CACNA1A: variants seen among roughly 807,000 people sequenced by gnomAD.
The protein encoded by CACNA1A is voltage-dependent P/Q-type calcium channel subunit alpha-1A.
CACNA1A carries 57 observed loss-of-function variants against 262.4 expected under a neutral mutation model. The ratio of observed to expected loss-of-function variants is 0.22; its 90% CI spans 0.18 to 0.27. The LOEUF is 0.27. CACNA1A is among the 10% of genes least tolerant of loss of function. The pLI, the probability that CACNA1A is intolerant of heterozygous loss-of-function variation, is 1.00. For synonymous variants in CACNA1A, 1,431 were observed against 1,419.3 expected (o/e 1.01, Z -0.18); for missense variants, 2,526 against 3,562.8 (o/e 0.71, Z 7.41).
At chr19:13,402,857 T>TACAC (rs1282745878) in intron 3 of CACNA1A, among the ~76,000 whole-genome samples, 1,126 of 75,542 alleles carry the variant, frequency 0.015, 20 homozygotes, top group Admixed American at 0.047. Context: ...CATATATATA[T>TACAC]ACACACACAC....
At chr19:13,215,068 G>A (rs2054953242) in intron 38 of CACNA1A, 1 of 156,840 alleles carries the variant, frequency 6.4e-6, no homozygotes, top group African/African-American at 2.4e-5. Context: ...GGAGTGCAGT[G>A]GCACGAGCTT....
At position 13,335,787 on chromosome 19, in the gene CACNA1A, G is replaced by T; in HGVS notation, c.1082+19C>A. On this transcript the variant is annotated intron_variant, in intron 7 of 46. Transcript: ENST00000360228. ...AAAGAGGAGTGAGTGGGATGGGGTG[G>T]GGAGTAGCAGAAACTTACCCTGACA... 12 of 1,497,104 alleles carry T rather than the reference G, an allele frequency of 8.0e-6. No homozygotes were observed. The highest frequency in any genetic ancestry group is 1.4e-5 in the African/African-American group (1 of 72,688). 92.7% of individuals were successfully genotyped at this position (1,497,104 alleles called of 1,614,324 possible).
At chr19:13,392,611 G>T (rs577626346) in intron 3 of CACNA1A, among the ~76,000 whole-genome samples, 103 of 152,358 alleles carry the variant, frequency 6.8e-4, no homozygotes, top group African/African-American at 2.5e-3. Flanking sequence ...TTCACAGGTG[G>T]TGGGAGTTTT....
At chr19:13,228,452 T>C (rs987230340) in intron 36 of CACNA1A, among the ~76,000 whole-genome samples, 2 of 151,828 alleles carry the variant, frequency 1.3e-5, no homozygotes, top group Admixed American at 1.3e-4. Context: ...CAGCTTCAGC[T>C]AAGAGCAAGC....
chr19:13,221,651 C>T (rs1329556798), intron 38 of CACNA1A, among the ~76,000 whole-genome samples: 3 of 152,132 alleles, frequency 2.0e-5, no homozygotes, highest in Non-Finnish European at 2.9e-5. Context: ...CCTGACCCCT[C>T]CGCCAAAGCT....
chr19:13,287,840 T>C (rs1178324527), intron 19 of CACNA1A, among the ~76,000 whole-genome samples: 1 of 150,904 alleles, frequency 6.6e-6, no homozygotes, highest in Non-Finnish European at 1.5e-5. Context: ...TCTTACTCTG[T>C]TGCCCAGGCT....
chr19:13,330,343 T>C lies in CACNA1A; in HGVS notation c.1256-10A>G, dbSNP rs2058445867. 12 of 1,552,046 alleles carry C rather than the reference T, an allele frequency of 7.7e-6. No individual in the cohort carries two copies. Among genetic ancestry groups the C allele is most frequent in the Non-Finnish European group, 9.6e-6 (11 of 1,145,168 alleles). On this transcript the variant is annotated splice_polypyrimidine_tract_variant and intron_variant, in intron 9 of 46. Coordinates refer to ENST00000360228, the MANE Select transcript of CACNA1A (RefSeq NM_001127222.2). ...GTGGTTCTCCGCAGAGCTCCAACAA[T>C]GGAAACATGGCAAGAGAAAAAGACG...
chr19:13,327,584 T>A (rs1178573394), intron 10 of CACNA1A, among the ~76,000 whole-genome samples: 5 of 151,590 alleles, frequency 3.3e-5, no homozygotes, highest in Non-Finnish European at 7.4e-5. Flanking sequence ...GCAGATTTTT[T>A]ATTTTTTTGA....
chr19:13,418,138 T>C (rs913399949), intron 3 of CACNA1A, among the ~76,000 whole-genome samples: 1 of 152,190 alleles, frequency 6.6e-6, no homozygotes, highest in African/African-American at 2.4e-5. Flanking sequence ...GTGAGTTACT[T>C]AACCCCACTC....
intron 23 of CACNA1A, among the ~76,000 whole-genome samples, chr19:13,276,418 A>G (rs990542872): frequency 3.9e-5 from 6 of 152,116 alleles, no homozygotes; most frequent in African/African-American, 1.4e-4. Flanking sequence ...ACCTGTGAAC[A>G]CCTGGATCAA....
At position 13,286,757 on chromosome 19, in the gene CACNA1A, C is replaced by A; in HGVS notation, c.3299G>T (p.Ser1100Ile). The stretch of plus-strand genomic sequence containing the variant: ...GGCCAGCATGGGGCCGGGGTCGGTG[C>A]TGTTTCCCATCTTGGCTGGGCTCTG... ...LPQSPAKMGN[S>I]TDPGPMLAIP... The change falls in exon 20 of 47, where the codon AGC becomes ATC. Residue 1100 changes from serine to isoleucine, a missense_variant. Around this residue, in one of 17 missense-constraint regions of CACNA1A, gnomAD observed 765 missense variants for 748.6 expected, o/e 1.02. Coordinates refer to ENST00000360228, the MANE Select transcript of CACNA1A (RefSeq NM_001127222.2). The A allele has an allele frequency of 6.2e-7, 1 of 1,610,356 alleles. No individual in the cohort carries two copies. Among genetic ancestry groups the A allele is most frequent in the Non-Finnish European group, 8.5e-7 (1 of 1,178,618 alleles).
Position 13,207,935 on chromosome 19 carries a change from G to C in CACNA1A, c.6899C>G (p.Ser2300Cys). The C allele has an allele frequency of 7.4e-7, 1 of 1,357,660 alleles. No individual in the cohort carries two copies. The allele number at this position is 1,357,660 out of a possible 1,614,324, so 84.1% of individuals were successfully genotyped here. The change falls in exon 47 of 47, where the codon TCC becomes TGC. Residue 2300 changes from serine (S) to cysteine (C), a missense_variant. By Grantham distance (112) the Ser-to-Cys change is moderately radical. Around this residue, in one of 17 missense-constraint regions of CACNA1A, gnomAD observed 929 missense variants for 868.1 expected, o/e 1.07. Transcript: ENST00000360228. The surrounding 1 kb of genome is among the most constrained non-coding windows in gnomAD (Gnocchi z 5.7). ...PSTPRPHVSY[S>C]PVIRKAGGSG... ...GCCGCCGGCCTTACGGATCACAGGGGAATAGGACACGTGTGGCCGGGGGGT... is the reference window on the plus strand; with the variant it reads ...GCCGCCGGCCTTACGGATCACAGGGCAATAGGACACGTGTGGCCGGGGGGT...
chr19:13,234,844 C>A, intron 34 of CACNA1A, 77 bp downstream of exon 34: 1 of 997,002 alleles, frequency 1.0e-6, no homozygotes, highest in Admixed American at 1.7e-5. Context: ...AGGGTACATC[C>A]TCTATGGGAA....
chr19:13,319,579 C>G (rs999887716), intron 10 of CACNA1A, among the ~76,000 whole-genome samples: 1 of 152,172 alleles, frequency 6.6e-6, no homozygotes, highest in East Asian at 1.9e-4. Context: ...CACTTCCTAT[C>G]AGCAAAATTC....
chr19:13,416,706 T>G (rs900977922), intron 3 of CACNA1A, among the ~76,000 whole-genome samples: 8 of 152,026 alleles, frequency 5.3e-5, no homozygotes, highest in African/African-American at 1.9e-4. Flanking sequence ...TCCCAGCTAC[T>G]CAGGAGGCTG....
intron 44 of CACNA1A, 31 bp downstream of exon 44, chr19:13,210,586 C>T: frequency 6.4e-7 from 1 of 1,554,280 alleles, no homozygotes; most frequent in Non-Finnish European, 8.7e-7. Flanking sequence ...GGCCGGAGCC[C>T]TGCTGGGCGC....
chr19:13,413,192 C>T (rs375736905), intron 3 of CACNA1A, among the ~76,000 whole-genome samples: 5 of 151,706 alleles, frequency 3.3e-5, no homozygotes, highest in African/African-American at 4.8e-5. Flanking sequence ...CTGCAAGCTC[C>T]GCCTCCCAGG....
At chr19:13,482,848 T>TTGTGTGTGTGTGTGTG (rs34754803) in intron 1 of CACNA1A, among the ~76,000 whole-genome samples, 4 of 133,924 alleles carry the variant, frequency 3.0e-5, no homozygotes, top group Non-Finnish European at 4.8e-5. Context: ...TTCTCTCAAC[T>TTGTGTGTGTGTGTGTG]TGTGTGTGTG....
chr19:13,229,847 G>T, intron 36 of CACNA1A: 1 of 423,800 alleles, frequency 2.4e-6, no homozygotes, highest in East Asian at 3.6e-5. Flanking sequence ...CATGGTTGAC[G>T]CCCTCCCTCA....
Sources: allele counts gnomAD v4.1 joint callset (sites outside exome capture counted in the v4.1 genomes callset), GRCh38; gene constraint gnomAD v4.1.1; regional missense constraint gnomAD v4.1.1; non-coding constraint Gnocchi (gnomAD v3.1); transcripts MANE v1.5; gene names NCBI Gene and HGNC (gene_info 2026-07-23, HGNC 2026-07-21).